The following CYRIA variants were observed in gnomAD, a reference collection of about 807,000 sequenced individuals.
CYRIA encodes CYFIP-related Rac1 interactor A.
In CYRIA, 15 loss-of-function variants were observed where a neutral mutation model predicts 43.9. The ratio of observed to expected loss-of-function variants is 0.34; its 90% CI spans 0.23 to 0.53. CYRIA has a LOEUF of 0.53. CYRIA is among the 20% of genes least tolerant of loss of function. The pLI is 0.94. For missense variants in CYRIA, 236 were observed against 394.2 expected (o/e 0.60, Z 3.40); for synonymous variants, 117 against 136.0 (o/e 0.86, Z 0.97).
intron 2 of CYRIA, among the ~76,000 whole-genome samples, chr2:16,593,417 A>G (rs1391841211): frequency 1.3e-5 from 2 of 152,174 alleles, no homozygotes; most frequent in Non-Finnish European, 2.9e-5. Flanking sequence ...GGGCAGATAT[A>G]TATTATTAGA....
intron 1 of CYRIA, among the ~76,000 whole-genome samples, chr2:16,643,511 T>A (rs1050977418): frequency 2.6e-5 from 4 of 152,242 alleles, no homozygotes; most frequent in African/African-American, 4.8e-5. Context: ...GCTTTTTACA[T>A]AAACTTTTAA....
chr2:16,613,995 C>T lies in CYRIA; in HGVS notation c.-11+9869G>A, dbSNP rs187283885. Among the ~76,000 whole-genome samples the T allele has an allele frequency of 3.2e-4, 48 of 152,320 alleles. 2 individuals carry two copies. The East Asian group carries it at 5.4e-3, about 17-fold the overall frequency. Reference sequence around the variant, plus strand: ...CCCCTTCAACTAGTTTCTTAAGTCACGTTTTCCACTGAGGAAAACATCTGT... The same window carrying T: ...CCCCTTCAACTAGTTTCTTAAGTCATGTTTTCCACTGAGGAAAACATCTGT... On this transcript the variant is annotated intron_variant, in intron 2 of 11. Coordinates refer to ENST00000381323, the MANE Select transcript of CYRIA (RefSeq NM_030797.4).
intron 1 of CYRIA, among the ~76,000 whole-genome samples, chr2:16,629,232 T>C (rs1163896154): frequency 6.6e-6 from 1 of 152,228 alleles, no homozygotes; most frequent in Non-Finnish European, 1.5e-5. Context: ...CTTTTTCTGC[T>C]GCCAGCAGGC....
chr2:16,603,800 T>C (rs1206698725), intron 2 of CYRIA, among the ~76,000 whole-genome samples: 2 of 152,212 alleles, frequency 1.3e-5, no homozygotes, highest in Non-Finnish European at 2.9e-5. Flanking sequence ...TCCTTAGGAT[T>C]GTTCTGACTA....
intron 2 of CYRIA, among the ~76,000 whole-genome samples, chr2:16,614,274 T>C (rs1391332502): frequency 6.6e-6 from 1 of 152,202 alleles, no homozygotes; most frequent in Non-Finnish European, 1.5e-5. Flanking sequence ...CCATGGAGGA[T>C]GTCCCTGCAG....
chr2:16,581,621 T>C (rs1039136443), intron 3 of CYRIA, among the ~76,000 whole-genome samples: 1 of 152,206 alleles, frequency 6.6e-6, no homozygotes, highest in Non-Finnish European at 1.5e-5. Context: ...ATGCTATGTA[T>C]AAGTTTTTTA....
chr2:16,632,330 A>T (rs1209569630), intron 1 of CYRIA, among the ~76,000 whole-genome samples: 1 of 152,222 alleles, frequency 6.6e-6, no homozygotes, highest in African/African-American at 2.4e-5. Flanking sequence ...CTACCCTGAC[A>T]ATGAAGCCTC....
At chr2:16,558,353 T>TA (rs1434574706) in intron 10 of CYRIA, among the ~76,000 whole-genome samples, 3 of 152,178 alleles carry the variant, frequency 2.0e-5, no homozygotes, top group Non-Finnish European at 4.4e-5. Flanking sequence ...TTTTTATTGA[T>TA]ACATTATCTT....
At chr2:16,641,841 G>C (rs1040330170) in intron 1 of CYRIA, among the ~76,000 whole-genome samples, 2 of 152,192 alleles carry the variant, frequency 1.3e-5, no homozygotes, top group African/African-American at 4.8e-5. Context: ...TGATCTCCAC[G>C]ATGCTGAAGC....
chr2:16,571,284 C>T (rs1050722538), intron 3 of CYRIA, among the ~76,000 whole-genome samples: 1 of 152,216 alleles, frequency 6.6e-6, no homozygotes, highest in Non-Finnish European at 1.5e-5. Context: ...GAATACTTTG[C>T]TGTCACCTGA....
At chr2:16,577,375 T>C (rs1667390383) in intron 3 of CYRIA, among the ~76,000 whole-genome samples, 1 of 152,192 alleles carries the variant, frequency 6.6e-6, no homozygotes, top group South Asian at 2.1e-4. Flanking sequence ...TAACACATTT[T>C]CATATTTTTT....
intron 2 of CYRIA, among the ~76,000 whole-genome samples, chr2:16,604,576 C>T (rs1668324934): frequency 6.6e-6 from 1 of 152,212 alleles, no homozygotes; most frequent in African/African-American, 2.4e-5. Context: ...CTACCCACTT[C>T]CATTTAATCA....
intron 1 of CYRIA, among the ~76,000 whole-genome samples, chr2:16,629,198 C>T (rs992944178): frequency 2.0e-5 from 3 of 152,154 alleles, no homozygotes; most frequent in African/African-American, 2.4e-5. Context: ...AGGGGACAGG[C>T]GCATCTCTAA....
chr2:16,554,730 A>G lies in CYRIA; in HGVS notation c.908+339T>C, dbSNP rs78805760. 4.5e-4 allele frequency among the ~76,000 whole-genome samples: 68 copies of G among 152,260 alleles called. No homozygotes were observed. In the East Asian group the frequency reaches 0.013, roughly 29 times the overall value. On this transcript the variant is annotated intron_variant, in intron 11 of 11. Transcript: ENST00000381323. ...GTAAAGTGGAAAGTGAGAGCCTGGAAGCCTCTTGTTCTGAGGAGTCTCTTT... is the reference window on the plus strand; with the variant it reads ...GTAAAGTGGAAAGTGAGAGCCTGGAGGCCTCTTGTTCTGAGGAGTCTCTTT...
At position 16,567,788 on chromosome 2, in the gene CYRIA, G is replaced by C. The variant is rs187300377; in HGVS notation, c.71-2021C>G. Among the ~76,000 whole-genome samples, 192 of 152,294 alleles carry C rather than the reference G, an allele frequency of 1.3e-3. 1 individual carries two copies. The highest frequency in any genetic ancestry group is 3.4e-3 in the Middle Eastern group (1 of 294). On this transcript the variant is annotated intron_variant, in intron 3 of 11. Coordinates refer to ENST00000381323, the MANE Select transcript of CYRIA (RefSeq NM_030797.4). ...TCAAAGAATGAGACCATTTCAACTA[G>C]GAAGTAAGGAGGTACTGGAATGTCT... is the stretch of plus-strand genomic sequence containing the variant.
chr2:16,599,517 T>C (rs1344458692), intron 2 of CYRIA, among the ~76,000 whole-genome samples: 1 of 123,130 alleles, frequency 8.1e-6, no homozygotes, highest in Non-Finnish European at 1.7e-5. Context: ...GTCACCCCTT[T>C]CTTTGACTCG....
At chr2:16,579,777 G>C (rs565799363) in intron 3 of CYRIA, among the ~76,000 whole-genome samples, 27 of 151,648 alleles carry the variant, frequency 1.8e-4, no homozygotes, top group Non-Finnish European at 4.4e-5. Flanking sequence ...AAAAAAAGAA[G>C]GCAAATATGA....
chr2:16,609,412 A>G (rs954289904), intron 2 of CYRIA, among the ~76,000 whole-genome samples: 3 of 152,074 alleles, frequency 2.0e-5, no homozygotes, highest in African/African-American at 7.2e-5. Context: ...TAGCCAGAAG[A>G]CCCTGGGCAT....
At chr2:16,606,593 T>G (rs1243835111) in intron 2 of CYRIA, among the ~76,000 whole-genome samples, 1 of 151,810 alleles carries the variant, frequency 6.6e-6, no homozygotes, top group Non-Finnish European at 1.5e-5. Flanking sequence ...TCCTTTTCCC[T>G]GCCCAGCTTT....
Sources: allele counts gnomAD v4.1 joint callset (sites outside exome capture counted in the v4.1 genomes callset), GRCh38; gene constraint gnomAD v4.1.1; transcripts MANE v1.5; gene names NCBI Gene and HGNC (gene_info 2026-07-23, HGNC 2026-07-21).